MOB3B: variants seen among roughly 807,000 people sequenced by gnomAD.
MOB3B encodes MOB kinase activator-like 2B.
In MOB3B, 7 loss-of-function variants were observed where a neutral mutation model predicts 18.7. The ratio of observed to expected loss-of-function variants is 0.37; its 90% CI spans 0.21 to 0.70. The LOEUF (loss-of-function observed/expected upper bound fraction) is 0.70. MOB3B is among the 30% of genes least tolerant of loss of function. MOB3B has a pLI of 0.52. For missense variants in MOB3B, 253 were observed against 281.3 expected (o/e 0.90, Z 0.72); for synonymous variants, 111 against 99.9 (o/e 1.11, Z -0.66).
At chr9:27,518,605 G>A (rs1424977176) in intron 1 of MOB3B, among the ~76,000 whole-genome samples, 1 of 152,096 alleles carries the variant, frequency 6.6e-6, no homozygotes, top group Non-Finnish European at 1.5e-5. Flanking sequence ...TTTTCCAACA[G>A]CTCAAATTAT....
At chr9:27,528,835 G>A (rs1820482351) in intron 1 of MOB3B, among the ~76,000 whole-genome samples, 1 of 152,116 alleles carries the variant, frequency 6.6e-6, no homozygotes, top group Non-Finnish European at 1.5e-5. Flanking sequence ...ACCAGGGGTC[G>A]GCGCTTTACC....
intron 2 of MOB3B, among the ~76,000 whole-genome samples, chr9:27,370,271 G>C (rs982942456): frequency 2.8e-4 from 42 of 152,202 alleles, no homozygotes; most frequent in African/African-American, 9.6e-4. Context: ...CACTTTGGGA[G>C]GCTAAGGTGG....
intron 1 of MOB3B, among the ~76,000 whole-genome samples, chr9:27,460,431 G>A (rs376283645): frequency 9.9e-5 from 15 of 152,200 alleles, no homozygotes; most frequent in Non-Finnish European, 2.1e-4. Flanking sequence ...GCTAAGCAAC[G>A]CACTGGCAAG....
At chr9:27,487,900 G>C (rs1819755235) in intron 1 of MOB3B, among the ~76,000 whole-genome samples, 1 of 152,046 alleles carries the variant, frequency 6.6e-6, no homozygotes, top group Non-Finnish European at 1.5e-5. Context: ...CATCCTTGTA[G>C]ATTTCACTTC....
At chr9:27,353,093 T>G (rs1000828982) in intron 3 of MOB3B, among the ~76,000 whole-genome samples, 2 of 152,186 alleles carry the variant, frequency 1.3e-5, no homozygotes, top group African/African-American at 4.8e-5. Flanking sequence ...CTCCCAATCC[T>G]AGAGGAGAAG....
Position 27,406,680 on chromosome 9 carries a change from C to T in MOB3B, c.419-47444G>A, listed in dbSNP as rs368423175. Among the ~76,000 whole-genome samples the T allele has an allele frequency of 1.6e-3, 237 of 152,256 alleles. 1 individual carries two copies. Among genetic ancestry groups the T allele is most frequent in the African/African-American group, 5.5e-3 (227 of 41,544 alleles). On this transcript the variant is annotated intron_variant, in intron 2 of 3. Transcript: ENST00000262244. ...AATAGTGCTGGGAAGACTAGATATC[C>T]ATATGCAAAAGAATGAAACTAGATC...
intron 2 of MOB3B, among the ~76,000 whole-genome samples, chr9:27,369,791 C>T (rs1223279753): frequency 6.6e-6 from 1 of 152,208 alleles, no homozygotes; most frequent in Non-Finnish European, 1.5e-5. Context: ...GCCTGACTAA[C>T]TCCCATTTGT....
At chr9:27,403,464 A>G (rs1009649339) in intron 2 of MOB3B, among the ~76,000 whole-genome samples, 2 of 151,716 alleles carry the variant, frequency 1.3e-5, no homozygotes, top group African/African-American at 4.8e-5. Flanking sequence ...GAAACACACT[A>G]AAGTTATCTC....
At chr9:27,449,024 G>C (rs1053489800) in intron 2 of MOB3B, among the ~76,000 whole-genome samples, 10 of 152,176 alleles carry the variant, frequency 6.6e-5, no homozygotes, top group African/African-American at 2.2e-4. Flanking sequence ...TAGCTGGTTT[G>C]ACACTGGACA....
chr9:27,441,510 C>T (rs1040008773), intron 2 of MOB3B, among the ~76,000 whole-genome samples: 3 of 152,138 alleles, frequency 2.0e-5, no homozygotes, highest in Non-Finnish European at 4.4e-5. Flanking sequence ...CAGATATCTA[C>T]TAAATGAGCA....
In MOB3B at chr9:27,362,037, A is replaced by G. The variant is rs570643512; in HGVS notation, c.419-2801T>C. ...AGTTTTGGACACACTGCGGATGCTC[A>G]TGGCAATTGCTGGCCCCTTTTAGAC... On this transcript the variant is annotated intron_variant, in intron 2 of 3. Transcript: ENST00000262244. Among the ~76,000 whole-genome samples, 7 of 152,276 alleles carry G rather than the reference A, an allele frequency of 4.6e-5. No homozygotes were observed. In the South Asian group the frequency reaches 1.0e-3, roughly 23 times the overall value.
intron 2 of MOB3B, among the ~76,000 whole-genome samples, chr9:27,395,142 A>G (rs1197292759): frequency 6.6e-6 from 1 of 152,236 alleles, no homozygotes; most frequent in East Asian, 1.9e-4. Context: ...GTCTTGTTGT[A>G]GAAGCATCAA....
Position 27,373,739 on chromosome 9 carries a change from A to T in MOB3B, c.419-14503T>A, listed in dbSNP as rs528835027. Among the ~76,000 whole-genome samples the T allele has an allele frequency of 2.0e-5, 3 of 152,350 alleles. No individual in the cohort carries two copies. The South Asian group carries it at 6.2e-4, about 32-fold the overall frequency. On this transcript the variant is annotated intron_variant, in intron 2 of 3. Transcript: ENST00000262244. ...GAAGAGAAACTTTTATTTCCTGGGC[A>T]TCCAATGGCACCAGCCATGTAAATA...
At chr9:27,380,185 C>T (rs1821555584) in intron 2 of MOB3B, among the ~76,000 whole-genome samples, 1 of 152,066 alleles carries the variant, frequency 6.6e-6, no homozygotes, top group Non-Finnish European at 1.5e-5. Flanking sequence ...CCATTCTCCA[C>T]CAAATATGTT....
intron 3 of MOB3B, among the ~76,000 whole-genome samples, chr9:27,347,053 G>T (rs1220129559): frequency 1.3e-5 from 2 of 152,148 alleles, no homozygotes; most frequent in Admixed American, 1.3e-4. Context: ...TAAAAGGAAA[G>T]GCAGTGACAA....
intron 1 of MOB3B, among the ~76,000 whole-genome samples, chr9:27,481,902 G>A (rs1819663594): frequency 6.6e-6 from 1 of 151,994 alleles, no homozygotes; most frequent in Admixed American, 6.5e-5. Context: ...TCAAAAACCT[G>A]GGAACTCGGA....
chr9:27,388,724 C>A (rs894108306), intron 2 of MOB3B, among the ~76,000 whole-genome samples: 17 of 152,038 alleles, frequency 1.1e-4, no homozygotes, highest in African/African-American at 4.1e-4. Context: ...TGAATATATT[C>A]TTTTCCTTTC....
intron 1 of MOB3B, among the ~76,000 whole-genome samples, chr9:27,482,995 T>C (rs1028914144): frequency 6.6e-6 from 1 of 150,440 alleles, no homozygotes; most frequent in African/African-American, 2.5e-5. Context: ...CTACAGCGCT[T>C]GCAGTTTAAT....
intron 3 of MOB3B, among the ~76,000 whole-genome samples, chr9:27,340,694 G>A (rs898641876): frequency 6.6e-6 from 1 of 152,154 alleles, no homozygotes; most frequent in Non-Finnish European, 1.5e-5. Context: ...TGGGACAGGG[G>A]ATCCAACCTG....
Sources: allele counts gnomAD v4.1 joint callset (sites outside exome capture counted in the v4.1 genomes callset), GRCh38; gene constraint gnomAD v4.1.1; transcripts MANE v1.5; gene names NCBI Gene and HGNC (gene_info 2026-07-23, HGNC 2026-07-21).